The following BTBD9 variants were observed in gnomAD, a reference collection of about 807,000 sequenced individuals.
BTBD9 encodes the protein BTB/POZ domain-containing protein 9.
Under a neutral mutation model 64.3 loss-of-function variants are expected in BTBD9, and 49 were observed. The observed-to-expected ratio is 0.76, with a 90% CI of 0.61 to 0.97. The LOEUF (loss-of-function observed/expected upper bound fraction) is 0.97, where lower values mean the gene tolerates loss of function less well. Among genes scored for constraint, BTBD9 ranks in the 50% least tolerant of loss-of-function variants. The probability of loss-of-function intolerance (pLI) is 0.00; values close to 1 mark genes in which losing one functional copy is unlikely to be tolerated. For synonymous variants in BTBD9, 260 were observed against 274.7 expected (o/e 0.95, Z 0.53); for missense variants, 598 against 762.1 (o/e 0.78, Z 2.53).
intron 6 of BTBD9, among the ~76,000 whole-genome samples, chr6:38,470,248 A>G (rs1464835929): frequency 1.3e-5 from 2 of 152,174 alleles, no homozygotes; most frequent in Non-Finnish European, 2.9e-5. Context: ...CCACGGGAGG[A>G]CAGAAAATAA....
At chr6:38,602,262 T>C (rs1470058453) in intron 1 of BTBD9, among the ~76,000 whole-genome samples, 4 of 152,084 alleles carry the variant, frequency 2.6e-5, no homozygotes, top group Non-Finnish European at 5.9e-5. Context: ...AAATGAAATA[T>C]ATATGGATGT....
intron 9 of BTBD9, among the ~76,000 whole-genome samples, chr6:38,216,307 T>C (rs926189138): frequency 1.3e-5 from 2 of 152,198 alleles, no homozygotes; most frequent in Non-Finnish European, 2.9e-5. Flanking sequence ...AGAAAAACCA[T>C]GACTCCCAAC....
At chr6:38,394,930 A>G (rs1766597891) in intron 6 of BTBD9, among the ~76,000 whole-genome samples, 1 of 151,578 alleles carries the variant, frequency 6.6e-6, no homozygotes, top group African/African-American at 2.4e-5. Flanking sequence ...TGTTGTAGGT[A>G]TGAGCTGACA....
At chr6:38,548,682 T>C (rs2127445210) in intron 6 of BTBD9, among the ~76,000 whole-genome samples, 1 of 152,310 alleles carries the variant, frequency 6.6e-6, no homozygotes, top group Non-Finnish European at 1.5e-5. Flanking sequence ...AAAGAAACAG[T>C]GTACTAAGAT....
chr6:38,425,664 G>A (rs1202763353), intron 6 of BTBD9, among the ~76,000 whole-genome samples: 1 of 151,452 alleles, frequency 6.6e-6, no homozygotes, highest in African/African-American at 2.4e-5. Context: ...CCAGCACTTT[G>A]GGAGGCTGAG....
chr6:38,245,242 G>C (rs2127527229), intron 9 of BTBD9, among the ~76,000 whole-genome samples: 1 of 152,320 alleles, frequency 6.6e-6, no homozygotes, highest in Middle Eastern at 3.4e-3. Context: ...ATGGGTAATT[G>C]CAAACTGCAA....
chr6:38,194,433 C>T (rs1228794295), intron 9 of BTBD9, among the ~76,000 whole-genome samples: 1 of 152,226 alleles, frequency 6.6e-6, no homozygotes, highest in Non-Finnish European at 1.5e-5. Context: ...CTGGTGACAG[C>T]TATTAGGTTC....
At chr6:38,236,988 G>A (rs1001299800) in intron 9 of BTBD9, among the ~76,000 whole-genome samples, 2 of 152,186 alleles carry the variant, frequency 1.3e-5, no homozygotes, top group Admixed American at 1.3e-4. Flanking sequence ...AAGGGGCCCA[G>A]GGGAAGCCTG....
intron 9 of BTBD9, among the ~76,000 whole-genome samples, chr6:38,237,038 T>C (rs898199475): frequency 6.6e-6 from 1 of 152,216 alleles, no homozygotes; most frequent in African/African-American, 2.4e-5. Flanking sequence ...ACCTCACTGC[T>C]CAGTAGCTGA....
At chr6:38,358,773 T>C (rs2127596734) in intron 6 of BTBD9, among the ~76,000 whole-genome samples, 1 of 152,092 alleles carries the variant, frequency 6.6e-6, no homozygotes, top group South Asian at 2.1e-4. Context: ...TGTGACCTTT[T>C]TTTTTTTTTG....
chr6:38,218,755 A>G (rs940139313), intron 9 of BTBD9, among the ~76,000 whole-genome samples: 1 of 152,220 alleles, frequency 6.6e-6, no homozygotes, highest in African/African-American at 2.4e-5. Context: ...GGGCAACTTC[A>G]TGAAGGAAAT....
chr6:38,578,874 C>G (rs1208181804), intron 5 of BTBD9, among the ~76,000 whole-genome samples: 1 of 152,114 alleles, frequency 6.6e-6, no homozygotes, highest in African/African-American at 2.4e-5. Flanking sequence ...ACGATGACAA[C>G]CACTTTGCTT....
At chr6:38,222,230 A>G (rs1763221347) in intron 9 of BTBD9, among the ~76,000 whole-genome samples, 2 of 149,930 alleles carry the variant, frequency 1.3e-5, no homozygotes, top group Non-Finnish European at 3.0e-5. Context: ...AGAAAGGACT[A>G]AATTAGCCTT....
In BTBD9 at chr6:38,580,391, T is replaced by C; in HGVS notation, c.861A>G (p.Val287=). The change falls in exon 5 of 11, where the codon GTA becomes GTG. Residue 287 remains valine (V), a synonymous_variant. Coordinates refer to ENST00000481247, the MANE Select transcript of BTBD9 (RefSeq NM_001099272.2). ...IATMKYGAQV[V]KGELKSALLD... ...ATAAGGCTGATTTCAGCTCCCCCTT[T>C]ACAACTTGGGCTCCATACTTCATAG... The C allele has an allele frequency of 6.2e-7, 1 of 1,614,238 alleles. No homozygotes were observed. The highest frequency in any genetic ancestry group is 8.5e-7 in the Non-Finnish European group (1 of 1,180,032).
At chr6:38,413,528 A>AT (rs1436770022) in intron 6 of BTBD9, among the ~76,000 whole-genome samples, 1 of 152,140 alleles carries the variant, frequency 6.6e-6, no homozygotes, top group Non-Finnish European at 1.5e-5. Context: ...CAGCAGGCTT[A>AT]TTTTTTAACC....
At chr6:38,508,577 T>A (rs983256493) in intron 6 of BTBD9, among the ~76,000 whole-genome samples, 5 of 152,178 alleles carry the variant, frequency 3.3e-5, no homozygotes, top group African/African-American at 1.2e-4. Context: ...TATGAAAGCA[T>A]AATAAATCTT....
rs557654659 is a variant in BTBD9 at position 38,536,677 on chromosome 6, G to A, written c.1154+40923C>T. On this transcript the variant is annotated intron_variant, in intron 6 of 10. Coordinates refer to ENST00000481247, the MANE Select transcript of BTBD9 (RefSeq NM_001099272.2). ...TAAGATCCTATCATTTGCACAACAT[G>A]GATGAGGTTATTATGTTAAGTGAAA... Among the ~76,000 whole-genome samples the A allele has an allele frequency of 1.2e-4, 18 of 152,188 alleles. No individual in the cohort carries two copies. In the East Asian group the frequency reaches 3.3e-3, roughly 28 times the overall value.
chr6:38,347,815 G>A (rs1021315431), intron 6 of BTBD9, among the ~76,000 whole-genome samples: 1 of 152,194 alleles, frequency 6.6e-6, no homozygotes, highest in East Asian at 1.9e-4. Context: ...TGGCTAACAC[G>A]GTGAAACCCC....
At chr6:38,194,215 G>A (rs1201010886) in intron 9 of BTBD9, among the ~76,000 whole-genome samples, 3 of 152,216 alleles carry the variant, frequency 2.0e-5, no homozygotes, top group African/African-American at 7.2e-5. Flanking sequence ...GAGCCAAGCA[G>A]TGGAACTGAC....
Sources: allele counts gnomAD v4.1 joint callset (sites outside exome capture counted in the v4.1 genomes callset), GRCh38; gene constraint gnomAD v4.1.1; transcripts MANE v1.5; gene names NCBI Gene and HGNC (gene_info 2026-07-23, HGNC 2026-07-21).